DMRT1: variants seen among roughly 807,000 people sequenced by gnomAD.
The protein encoded by DMRT1 is doublesex- and mab-3-related transcription factor 1.
A neutral mutation model predicts 32.3 loss-of-function variants in DMRT1; 7 were observed. The ratio of observed to expected loss-of-function variants is 0.22; its 90% confidence interval spans 0.12 to 0.41. DMRT1 has a LOEUF of 0.41. Among genes scored for constraint, DMRT1 ranks in the 10% least tolerant of loss-of-function variants. The pLI is 1.00. For synonymous variants in DMRT1, 278 were observed against 206.1 expected, an observed-to-expected ratio of 1.35 and a Z score of -2.99; for missense variants, 625 against 500.5, an observed-to-expected ratio of 1.25 and a Z score of -2.37.
At chr9:966,796 A>AT (rs1156691245) in intron 4 of DMRT1, among the ~76,000 whole-genome samples, 1 of 152,218 alleles carries the variant, frequency 6.6e-6, no homozygotes, top group Non-Finnish European at 1.5e-5. Context: ...TCCAAACATA[A>AT]TAAGTATTGA....
At chr9:842,242 T>TG in intron 1 of DMRT1, 50 bp downstream of exon 1, 1 of 1,502,132 alleles carries the variant, frequency 6.7e-7, no homozygotes. Flanking sequence ...TTTTTTTTTT[T>TG]TTTTTTTTTT....
intron 4 of DMRT1, among the ~76,000 whole-genome samples, chr9:943,450 T>G (rs566942033): frequency 6.6e-5 from 10 of 152,206 alleles, no homozygotes; most frequent in African/African-American, 2.4e-4. Flanking sequence ...AGAATGAGAG[T>G]TGGCACCAGG....
chr9:954,996 A>G lies in DMRT1; in HGVS notation c.968-12989A>G, dbSNP rs563896469. ...GCTCAGTAAGAAGTCAGGGAAAGAG[A>G]TATACATTGTGAAGTCATTTGCAAT... On this transcript the variant is annotated intron_variant, in intron 4 of 4. Transcript: ENST00000382276. Among the ~76,000 whole-genome samples, 3 of 152,296 alleles carry G rather than the reference A, an allele frequency of 2.0e-5. No homozygotes were observed. In the South Asian group the frequency reaches 6.2e-4, roughly 32 times the overall value.
At chr9:845,594 C>G (rs1838870994) in intron 1 of DMRT1, among the ~76,000 whole-genome samples, 1 of 152,130 alleles carries the variant, frequency 6.6e-6, no homozygotes, top group Non-Finnish European at 1.5e-5. Context: ...CCAGTTCTGG[C>G]TCTCTTCTTC....
At chr9:854,365 A>G (rs1342555909) in intron 2 of DMRT1, among the ~76,000 whole-genome samples, 1 of 151,244 alleles carries the variant, frequency 6.6e-6, no homozygotes, top group East Asian at 2.0e-4. Flanking sequence ...ACTCACTGCA[A>G]CCTCCACTTT....
chr9:875,806 A>G (rs951321546), intron 2 of DMRT1, among the ~76,000 whole-genome samples: 1 of 152,176 alleles, frequency 6.6e-6, no homozygotes, highest in Non-Finnish European at 1.5e-5. Context: ...GTGTGTGCAT[A>G]TATAGTGTAT....
intron 4 of DMRT1, among the ~76,000 whole-genome samples, chr9:930,696 C>A (rs971853626): frequency 5.9e-5 from 9 of 152,138 alleles, no homozygotes; most frequent in Admixed American, 5.9e-4. Context: ...ACATGAGCCA[C>A]CGCACCCGGC....
At chr9:896,378 A>G (rs570863953) in intron 3 of DMRT1, among the ~76,000 whole-genome samples, 2 of 146,120 alleles carry the variant, frequency 1.4e-5, no homozygotes, top group African/African-American at 5.1e-5. Context: ...TCCTGGGTTC[A>G]AGTGATTCTC....
chr9:907,633 T>C (rs1817823393), intron 3 of DMRT1, among the ~76,000 whole-genome samples: 1 of 152,240 alleles, frequency 6.6e-6, no homozygotes, highest in South Asian at 2.1e-4. Context: ...ACATTTTAGA[T>C]TGAGACCCAC....
chr9:862,885 A>C (rs1004438217), intron 2 of DMRT1, among the ~76,000 whole-genome samples: 4 of 152,070 alleles, frequency 2.6e-5, no homozygotes, highest in African/African-American at 4.8e-5. Context: ...CTGTGCCCTA[A>C]TCCCTGCAAC....
At chr9:869,299 A>G (rs1816128738) in intron 2 of DMRT1, among the ~76,000 whole-genome samples, 1 of 152,190 alleles carries the variant, frequency 6.6e-6, no homozygotes, top group African/African-American at 2.4e-5. Context: ...GATGGCATAG[A>G]AATAAAAATG....
intron 4 of DMRT1, among the ~76,000 whole-genome samples, chr9:964,198 T>G (rs1392365288): frequency 8.1e-5 from 12 of 148,912 alleles, no homozygotes; most frequent in East Asian, 5.9e-4. Context: ...AGTTTTGTGG[T>G]TTTTTTTTTA....
chr9:968,992 T>A lies in DMRT1; in HGVS notation c.*853T>A, dbSNP rs1820025252. On this transcript the variant is annotated 3_prime_UTR_variant, in exon 5 of 5. Coordinates refer to ENST00000382276, the MANE Select transcript of DMRT1 (RefSeq NM_021951.3). ...AAAATTGCTATGGAGTACTTTGTTA[T>A]ATAACAGAAGCCATCCTGAAATGAA... 6.5e-6 allele frequency: 1 copy of A among 152,684 alleles called. No individual in the cohort carries two copies. Among genetic ancestry groups the A allele is most frequent in the Non-Finnish European group, 1.5e-5 (1 of 68,048 alleles). The allele number at this position is 152,684 out of a possible 1,614,324, so 9.5% of individuals were successfully genotyped here.
At chr9:924,262 G>A (rs556996168) in intron 4 of DMRT1, among the ~76,000 whole-genome samples, 39 of 152,042 alleles carry the variant, frequency 2.6e-4, no homozygotes, top group African/African-American at 8.7e-4. Flanking sequence ...AGTAGAGATG[G>A]GGTTTCTACA....
intron 2 of DMRT1, among the ~76,000 whole-genome samples, chr9:857,753 T>A (rs1316232507): frequency 1.3e-5 from 2 of 149,450 alleles, no homozygotes; most frequent in Non-Finnish European, 3.0e-5. Flanking sequence ...ATTAGGTATA[T>A]CTCCTAATGC....
At chr9:845,362 C>T (rs1838862529) in intron 1 of DMRT1, among the ~76,000 whole-genome samples, 1 of 151,974 alleles carries the variant, frequency 6.6e-6, no homozygotes, top group Admixed American at 6.6e-5. Flanking sequence ...CGCACACCAC[C>T]ATGCCTGGCT....
intron 2 of DMRT1, among the ~76,000 whole-genome samples, chr9:857,761 T>A (rs1269740756): frequency 6.9e-6 from 1 of 144,472 alleles, no homozygotes; most frequent in Non-Finnish European, 1.5e-5. Flanking sequence ...TATCTCCTAA[T>A]GCTATCCCTC....
At chr9:879,790 T>C (rs1447743266) in intron 2 of DMRT1, among the ~76,000 whole-genome samples, 1 of 152,232 alleles carries the variant, frequency 6.6e-6, no homozygotes, top group Non-Finnish European at 1.5e-5. Context: ...TCTTATACTT[T>C]GGATGGCTCT....
intron 2 of DMRT1, among the ~76,000 whole-genome samples, chr9:851,420 G>A (rs1045914919): frequency 6.8e-6 from 1 of 147,106 alleles, no homozygotes; most frequent in Non-Finnish European, 1.5e-5. Flanking sequence ...TGTACTTTTA[G>A]TAGAGACAGA....
Sources: gnomAD v4.1 joint callset for allele counts (sites outside exome capture counted in the v4.1 genomes callset) on GRCh38, gnomAD v4.1.1 for gene constraint, MANE v1.5 for transcripts, NCBI Gene and HGNC (gene_info 2026-07-23, HGNC 2026-07-21) for gene names.